The following UNK variants were observed in gnomAD, a reference collection of about 807,000 sequenced individuals.
The protein encoded by UNK is unk zinc finger, also known as RING finger protein unkempt homolog.
Under a neutral mutation model 97.6 loss-of-function variants are expected in UNK, and 32 were observed. That is an observed-to-expected ratio of 0.33 (90% CI 0.25 to 0.44). The LOEUF is 0.44. Among genes scored for constraint, UNK ranks in the 20% least tolerant of loss-of-function variants. UNK has a pLI of 1.00. For missense variants in UNK, 771 were observed against 1,098.4 expected (o/e 0.70, Z 4.21); for synonymous variants, 441 against 461.2 (o/e 0.96, Z 0.56).
At chr17:75,807,827 G>A (rs1393966835) in intron 1 of UNK, among the ~76,000 whole-genome samples, 1 of 152,082 alleles carries the variant, frequency 6.6e-6, no homozygotes, top group Non-Finnish European at 1.5e-5. Context: ...GACCTCAGGT[G>A]ATCCGCCCGC....
At chr17:75,811,985 AAAAAC>A (rs917799260) in intron 2 of UNK, 122 bp from the exon 3 acceptor site, 154 of 1,253,192 alleles carry the variant, frequency 1.2e-4, no homozygotes, top group Middle Eastern at 4.2e-4. Flanking sequence ...ACTCCGTCTC[AAAAAC>A]AAAACAAAAC....
intron 15 of UNK, among the ~76,000 whole-genome samples, 196 bp downstream of exon 15, chr17:75,823,718 G>A (rs1206400706): frequency 1.3e-5 from 2 of 152,184 alleles, no homozygotes; most frequent in Non-Finnish European, 2.9e-5. Context: ...AAGGCTGGGG[G>A]TGAGGGGTGT....
At position 75,812,232 on chromosome 17, in the gene UNK, G is replaced by C; in HGVS notation, c.435G>C (p.Leu145=). 6.2e-7 allele frequency: 1 copy of C among 1,613,966 alleles called. No homozygotes were observed. The highest frequency in any genetic ancestry group is 8.5e-7 in the Non-Finnish European group (1 of 1,179,856). The change falls in exon 3 of 16, where the codon CTG becomes CTC. Residue 145 remains leucine, a synonymous_variant. Coordinates refer to ENST00000589666, the MANE Select transcript of UNK (RefSeq NM_001080419.3). ...DSKGNCTKNG[L]HCAFAHGPHD... ...AAGGCAACTGCACCAAAAACGGCCT[G>C]CACTGCGCTTTTGCCCACGGGCCCC...
At position 75,824,225 on chromosome 17, in the gene UNK, C is replaced by T. The variant is rs1356202128; in HGVS notation, c.2278-37C>T. On this transcript the variant is annotated intron_variant, in intron 15 of 15. Coordinates refer to ENST00000589666, the MANE Select transcript of UNK (RefSeq NM_001080419.3). The surrounding 1 kb of genome is among the most constrained non-coding windows in gnomAD (Gnocchi z 4.9). ...ACTCCTCGCTCAACTTGGGGCCAGA[C>T]CCATGGATGGTGACCACGATGCCCC... The T allele has an allele frequency of 6.4e-7, 1 of 1,554,066 alleles. No homozygotes were observed. The highest frequency in any genetic ancestry group is 1.2e-5 in the South Asian group (1 of 84,454).
chr17:75,801,563 T>C (rs1025754506), intron 1 of UNK, among the ~76,000 whole-genome samples: 2 of 150,852 alleles, frequency 1.3e-5, no homozygotes, highest in Non-Finnish European at 3.0e-5. Context: ...TATTTTTCCT[T>C]TTTTTTTTGA....
intron 1 of UNK, among the ~76,000 whole-genome samples, chr17:75,799,267 C>T (rs1567797211): frequency 6.6e-6 from 1 of 152,160 alleles, no homozygotes; most frequent in Non-Finnish European, 1.5e-5. Flanking sequence ...AATTGCACTA[C>T]TGCACTTCAG....
chr17:75,788,172 T>C (rs936072880), intron 1 of UNK, among the ~76,000 whole-genome samples: 2 of 151,796 alleles, frequency 1.3e-5, no homozygotes, highest in Non-Finnish European at 2.9e-5. Flanking sequence ...TTTTTGCCTG[T>C]CAATTTTTTC....
chr17:75,808,669 T>C (rs2061940862), intron 1 of UNK, among the ~76,000 whole-genome samples: 1 of 152,100 alleles, frequency 6.6e-6, no homozygotes, highest in Non-Finnish European at 1.5e-5. Flanking sequence ...CTTTCTGCAG[T>C]CTCCAAGCCT....
intron 13 of UNK, chr17:75,821,549 T>C (rs947862396): frequency 2.2e-6 from 1 of 453,110 alleles, no homozygotes; most frequent in Non-Finnish European, 4.4e-6. Flanking sequence ...AGACAGTGCA[T>C]GCCACAGGGT....
At chr17:75,815,618 C>T (rs1249516781) in intron 7 of UNK, among the ~76,000 whole-genome samples, 1 of 152,232 alleles carries the variant, frequency 6.6e-6, no homozygotes, top group Non-Finnish European at 1.5e-5. Context: ...CTCTTCTCTG[C>T]TGAGTCCTGC....
At chr17:75,822,403 C>T in intron 13 of UNK, 74 bp from the exon 14 acceptor site, 1 of 1,503,622 alleles carries the variant, frequency 6.7e-7, no homozygotes, top group South Asian at 1.3e-5. Context: ...GTCCCTGGAA[C>T]CTCTGAGGCA....
rs1322438840 is a variant in UNK at position 75,815,808 on chromosome 17, C to T, written c.961+555C>T. Among the ~76,000 whole-genome samples the T allele has an allele frequency of 2.0e-5, 3 of 149,994 alleles. No homozygotes were observed. In the South Asian group the frequency reaches 6.3e-4, roughly 31 times the overall value. On this transcript the variant is annotated intron_variant, in intron 7 of 15. Coordinates refer to ENST00000589666, the MANE Select transcript of UNK (RefSeq NM_001080419.3). ...GGCTGAGGCATGAGAATCACTTGAACCCAGGAAGCAGAGGTTGCAGTGAGC... is the reference window on the plus strand; with the variant it reads ...GGCTGAGGCATGAGAATCACTTGAATCCAGGAAGCAGAGGTTGCAGTGAGC...
In UNK at chr17:75,816,141, C is replaced by T. The variant is rs1015669806; in HGVS notation, c.962-629C>T. On this transcript the variant is annotated intron_variant, in intron 7 of 15. Transcript: ENST00000589666. The surrounding 1 kb of genome is among the most constrained non-coding windows in gnomAD (Gnocchi z 4.0). ...GTAGCCACATGTGGCTTTCGGCTGC[C>T]TTGTGGGACAGTGTGGGTCTGGATC... is the stretch of plus-strand genomic sequence containing the variant. 2.2e-4 allele frequency among the ~76,000 whole-genome samples: 33 copies of T among 152,168 alleles called. No individual in the cohort carries two copies. Among genetic ancestry groups the T allele is most frequent in the African/African-American group, 7.5e-4 (31 of 41,424 alleles).
intron 1 of UNK, chr17:75,793,433 T>A (rs2143686833): frequency 1.0e-6 from 1 of 985,414 alleles, no homozygotes; most frequent in East Asian, 1.1e-4. Flanking sequence ...ACCCCTTTTT[T>A]CTTTGCCAGT....
In UNK at chr17:75,815,149, G is replaced by A; in HGVS notation, c.877-20G>A. On this transcript the variant is annotated intron_variant, in intron 6 of 15. Transcript: ENST00000589666. Reference sequence around the variant, plus strand: ...TTCCCTCAGGGCCTGAGCCTGACTTGCCTGTGCTCTGCCCTCCAGATCTAC... The same window carrying A: ...TTCCCTCAGGGCCTGAGCCTGACTTACCTGTGCTCTGCCCTCCAGATCTAC... The A allele has an allele frequency of 1.2e-6, 2 of 1,609,716 alleles. No individual in the cohort carries two copies. Among genetic ancestry groups the A allele is most frequent in the East Asian group, 2.2e-5 (1 of 44,850 alleles).
chr17:75,818,864 A>G lies in UNK; in HGVS notation c.1546+48A>G. ...AAAGCCCAGGACTGGGTCTGGGGTCAGAGACCCCCCAGTCTCTGAAGCGAG... is the reference window on the plus strand; with the variant it reads ...AAAGCCCAGGACTGGGTCTGGGGTCGGAGACCCCCCAGTCTCTGAAGCGAG... On this transcript the variant is annotated intron_variant, in intron 11 of 15. Coordinates refer to ENST00000589666, the MANE Select transcript of UNK (RefSeq NM_001080419.3). The surrounding 1 kb of genome is among the most constrained non-coding windows in gnomAD (Gnocchi z 5.1). 6.7e-7 allele frequency: 1 copy of G among 1,497,652 alleles called. No individual in the cohort carries two copies. Among genetic ancestry groups the G allele is most frequent in the Non-Finnish European group, 8.9e-7 (1 of 1,118,054 alleles). The allele number at this position is 1,497,652 out of a possible 1,614,324, so 92.8% of individuals were successfully genotyped here.
chr17:75,810,302 A>G (rs1393838177), intron 2 of UNK, among the ~76,000 whole-genome samples: 1 of 152,178 alleles, frequency 6.6e-6, no homozygotes, highest in Non-Finnish European at 1.5e-5. Context: ...GTTTAGAGAG[A>G]GCGCCTCACT....
Position 75,817,358 on chromosome 17 carries a change from G to A in UNK, c.1137G>A (p.Pro379=), listed in dbSNP as rs377286298. ...GTAGAAACAGCAGCCTAGGCAGCCC[G>A]TCTAACCTCTGCGGCTCCCCACCGG... The part of the protein sequence containing the change: ...LLCRNSSLGS[P]SNLCGSPPGS... The change falls in exon 9 of 16, where the codon CCG becomes CCA. Residue 379 remains proline (P), a synonymous_variant. Transcript: ENST00000589666. The surrounding 1 kb of genome is among the most constrained non-coding windows in gnomAD (Gnocchi z 5.8). 57 of 1,606,922 alleles carry A rather than the reference G, an allele frequency of 3.5e-5. No individual in the cohort carries two copies. Among genetic ancestry groups the A allele is most frequent in the East Asian group, 6.7e-5 (3 of 44,730 alleles).
At position 75,819,824 on chromosome 17, in the gene UNK, C is replaced by G. The variant is rs1380488109; in HGVS notation, c.1648+39C>G. 6.2e-7 allele frequency: 1 copy of G among 1,612,262 alleles called. No individual in the cohort carries two copies. The highest frequency in any genetic ancestry group is 8.5e-7 in the Non-Finnish European group (1 of 1,179,062). On this transcript the variant is annotated intron_variant, in intron 12 of 15. Coordinates refer to ENST00000589666, the MANE Select transcript of UNK (RefSeq NM_001080419.3). This position sits in a 1 kb window ranked among gnomAD's most constrained non-coding sequence, Gnocchi z 5.4. ...GTGGGCAGGGCAGCCTGGAGGACTC[C>G]TCGGGTTCCTGCCTGGCTCAGGCCC... is the stretch of plus-strand genomic sequence containing the variant.
Sources: gnomAD v4.1 joint callset for allele counts (sites outside exome capture counted in the v4.1 genomes callset) on GRCh38, gnomAD v4.1.1 for gene constraint, Gnocchi (gnomAD v3.1) non-coding constraint, MANE v1.5 for transcripts, NCBI Gene and HGNC (gene_info 2026-07-23, HGNC 2026-07-21) for gene names.